FAM83F: variants seen among roughly 807,000 people sequenced by gnomAD.
FAM83F encodes the protein scaffolding CK1 anchoring protein F, also known as protein FAM83F.
In FAM83F, 45 loss-of-function variants were observed where a neutral mutation model predicts 42.9. The ratio of observed to expected loss-of-function variants is 1.05; its 90% confidence interval spans 0.83 to 1.35. The LOEUF (loss-of-function observed/expected upper bound fraction) is 1.35. Ranked by LOEUF, FAM83F falls within the 40% of genes most tolerant of loss-of-function variation. The probability of loss-of-function intolerance (pLI) is 0.00; values close to 1 mark genes in which losing one functional copy is unlikely to be tolerated. For synonymous variants in FAM83F, 306 were observed against 298.3 expected (o/e 1.03, Z -0.27); for missense variants, 617 against 695.9 (o/e 0.89, Z 1.28).
At chr22:40,010,650 A>C (rs2067457884) in intron 1 of FAM83F, among the ~76,000 whole-genome samples, 1 of 152,186 alleles carries the variant, frequency 6.6e-6, no homozygotes, top group South Asian at 2.1e-4. Context: ...AACCTGAGAC[A>C]TGCTTCTGCA....
At position 40,029,437 on chromosome 22, in the gene FAM83F, A is replaced by C. The variant is rs1601774496; in HGVS notation, c.1454-79A>C. The C allele has an allele frequency of 2.0e-6, 3 of 1,534,814 alleles. No individual in the cohort carries two copies. In the East Asian group the frequency reaches 7.3e-5, roughly 37 times the overall value. On this transcript the variant is annotated intron_variant, in intron 4 of 4. Transcript: ENST00000333407. ...CCCCTCAACTGGAGATGTGGACAGC[A>C]CACAGGGTAGGAACTGAAGCTGAAT...
intron 1 of FAM83F, among the ~76,000 whole-genome samples, chr22:40,009,417 C>T (rs184015660): frequency 6.6e-6 from 1 of 152,352 alleles, no homozygotes; most frequent in East Asian, 1.9e-4. Flanking sequence ...TGTTGTCTTT[C>T]TCTGGCCATG....
intron 1 of FAM83F, among the ~76,000 whole-genome samples, chr22:40,001,317 G>A (rs1274574825): frequency 6.6e-6 from 1 of 152,144 alleles, no homozygotes. Flanking sequence ...GATAAAATGG[G>A]GAAGATAATA....
At chr22:40,005,683 G>A (rs1017069677) in intron 1 of FAM83F, among the ~76,000 whole-genome samples, 1 of 152,250 alleles carries the variant, frequency 6.6e-6, no homozygotes, top group South Asian at 2.1e-4. Flanking sequence ...AGCCCCAGGG[G>A]TTGCAGCAGG....
chr22:40,000,560 T>C (rs2067395174), intron 1 of FAM83F, among the ~76,000 whole-genome samples: 1 of 152,178 alleles, frequency 6.6e-6, no homozygotes, highest in African/African-American at 2.4e-5. Context: ...GCCTTCTCCA[T>C]ACCAGGCACT....
chr22:39,995,415 G>A lies in FAM83F; in HGVS notation c.373G>A (p.Asp125Asn), dbSNP rs942536384. Reference protein sequence around the residue: ...EVPPLDLGWTDTGFYRGVSRV... With the variant: ...EVPPLDLGWTNTGFYRGVSRV... ...GCCTCCTCTGGACCTGGGCTGGACG[G>A]ACACTGGTTTCTACCGCGGCGTGAG... The change falls in exon 1 of 5, where the codon GAC becomes AAC. Residue 125 changes from aspartate (D) to asparagine (N), a missense_variant. Coordinates refer to ENST00000333407, the MANE Select transcript of FAM83F (RefSeq NM_138435.4). The surrounding 1 kb of genome is among the most constrained non-coding windows in gnomAD (Gnocchi z 4.6). 14 of 1,550,600 alleles carry A rather than the reference G, an allele frequency of 9.0e-6. No homozygotes were observed. Among genetic ancestry groups the A allele is most frequent in the Non-Finnish European group, 4.4e-6 (5 of 1,147,332 alleles).
rs2067610276 is a variant in FAM83F at position 40,034,574 on chromosome 22, C to G, written c.*5009C>G. ...CTGGCACGATAGGTACCCATCTGTC[C>G]TTGGGGTTCCTGAGCCTGGAGAGCG... On this transcript the variant is annotated 3_prime_UTR_variant, in exon 5 of 5. Coordinates refer to ENST00000333407, the MANE Select transcript of FAM83F (RefSeq NM_138435.4). 6.6e-6 allele frequency: 1 copy of G among 152,264 alleles called. No homozygotes were observed. Among genetic ancestry groups the G allele is most frequent in the Non-Finnish European group, 1.5e-5 (1 of 68,076 alleles). The allele number at this position is 152,264 out of a possible 1,614,324, so 9.4% of individuals were successfully genotyped here.
chr22:40,038,710 G>A lies in FAM83F; in HGVS notation c.*9145G>A. 1 of 162,710 alleles carries A rather than the reference G, an allele frequency of 6.1e-6. No individual in the cohort carries two copies. Among genetic ancestry groups the A allele is most frequent in the Non-Finnish European group, 1.4e-5 (1 of 73,282 alleles). 10.1% of individuals were successfully genotyped at this position (162,710 alleles called of 1,614,324 possible). ...GAGCTTTGAAGAAAGTGTAGACTTG[G>A]GGACAGGCAGAGGAAGAGGGGGCAT... On this transcript the variant is annotated 3_prime_UTR_variant, in exon 5 of 5. Transcript: ENST00000333407.
Position 40,011,218 on chromosome 22 carries a change from G to A in FAM83F, c.490-7950G>A, listed in dbSNP as rs112198531. On this transcript the variant is annotated intron_variant, in intron 1 of 4. Transcript: ENST00000333407. The stretch of plus-strand genomic sequence containing the variant: ...GTTTTGTTTTGTTTTTTGAGATGGA[G>A]TCTTGCTCTGTTGCCCAGGCTGGAG... 2.2e-3 allele frequency among the ~76,000 whole-genome samples: 340 copies of A among 152,246 alleles called. 1 individual carries two copies. The highest frequency in any genetic ancestry group is 7.8e-3 in the African/African-American group (326 of 41,546).
At position 39,995,670 on chromosome 22, in the gene FAM83F, C is replaced by A; in HGVS notation, c.489+139C>A. 1 of 1,357,246 alleles carries A rather than the reference C, an allele frequency of 7.4e-7. No homozygotes were observed. The highest frequency in any genetic ancestry group is 9.7e-7 in the Non-Finnish European group (1 of 1,028,122). 84.1% of individuals were successfully genotyped at this position (1,357,246 alleles called of 1,614,324 possible). Reference sequence around the variant, plus strand: ...ATGGGCCCCAACCCGCCCCTACTTCCTGGGGCTGCAGTGAGGCCTGTAGAG... The same window carrying A: ...ATGGGCCCCAACCCGCCCCTACTTCATGGGGCTGCAGTGAGGCCTGTAGAG... On this transcript the variant is annotated intron_variant, in intron 1 of 4. Coordinates refer to ENST00000333407, the MANE Select transcript of FAM83F (RefSeq NM_138435.4). The surrounding 1 kb of genome is among the most constrained non-coding windows in gnomAD (Gnocchi z 4.6).
At chr22:40,026,136 A>G (rs937818314) in intron 4 of FAM83F, among the ~76,000 whole-genome samples, 1 of 152,200 alleles carries the variant, frequency 6.6e-6, no homozygotes, top group Non-Finnish European at 1.5e-5. Context: ...CCAGGGAGAA[A>G]GGGCAGTGTG....
At chr22:40,007,221 T>TCTCCTCTCCTCCCCTCCCCTC (rs1275116810) in intron 1 of FAM83F, among the ~76,000 whole-genome samples, 14 of 140,196 alleles carry the variant, frequency 1.0e-4, no homozygotes, top group African/African-American at 2.4e-4. Context: ...TGCAGCCTCC[T>TCTCCTCTCCTCCCCTCCCCTC]CTCCTCTCCT....
chr22:40,028,154 G>T (rs2067565334), intron 4 of FAM83F, among the ~76,000 whole-genome samples: 1 of 152,228 alleles, frequency 6.6e-6, no homozygotes, highest in African/African-American at 2.4e-5. Flanking sequence ...TTGGGGCGCA[G>T]CCTCCTGCCC....
chr22:40,026,887 C>G (rs1298754589), intron 4 of FAM83F, among the ~76,000 whole-genome samples: 1 of 152,186 alleles, frequency 6.6e-6, no homozygotes, highest in Non-Finnish European at 1.5e-5. Context: ...TCAGATCTCT[C>G]TCTTGCTCTT....
chr22:39,995,436 G>T lies in FAM83F; in HGVS notation c.394G>T (p.Val132Leu). Reference protein sequence around the residue: ...GWTDTGFYRGVSRVTLFTHPP... With the variant: ...GWTDTGFYRGLSRVTLFTHPP... Reference sequence around the variant, plus strand: ...GACGGACACTGGTTTCTACCGCGGCGTGAGCCGGGTCACGCTCTTCACCCA... The same window carrying T: ...GACGGACACTGGTTTCTACCGCGGCTTGAGCCGGGTCACGCTCTTCACCCA... The change falls in exon 1 of 5, where the codon GTG (valine) becomes TTG (leucine). Residue 132 changes from valine to leucine, a missense_variant. Val to Leu is a conservative substitution (Grantham distance 32). Coordinates refer to ENST00000333407, the MANE Select transcript of FAM83F (RefSeq NM_138435.4). This position sits in a 1 kb window ranked among gnomAD's most constrained non-coding sequence, Gnocchi z 4.6. The T allele has an allele frequency of 6.4e-7, 1 of 1,556,816 alleles. No homozygotes were observed. The highest frequency in any genetic ancestry group is 8.7e-7 in the Non-Finnish European group (1 of 1,150,346).
intron 4 of FAM83F, among the ~76,000 whole-genome samples, chr22:40,029,012 C>A (rs1439094726): frequency 6.6e-6 from 1 of 151,132 alleles, no homozygotes; most frequent in Non-Finnish European, 1.5e-5. Context: ...GAGAGAAGGA[C>A]CGCAGTCTTA....
Position 40,032,101 on chromosome 22 carries a change from T to G in FAM83F, c.*2536T>G, listed in dbSNP as rs1035732239. 1.3e-5 allele frequency: 2 copies of G among 152,300 alleles called. No individual in the cohort carries two copies. The highest frequency in any genetic ancestry group is 2.9e-5 in the Non-Finnish European group (2 of 68,108). The allele number at this position is 152,300 out of a possible 1,614,324, so 9.4% of individuals were successfully genotyped here. A position where few individuals can be genotyped will look rare whatever the true frequency, so the allele number is the denominator to read the frequency against. On this transcript the variant is annotated 3_prime_UTR_variant, in exon 5 of 5. Coordinates refer to ENST00000333407, the MANE Select transcript of FAM83F (RefSeq NM_138435.4). ...GCAGCTTCTGCAAGGCTGGTTACAT[T>G]GGAAGGGCTCTAGGAGGAACAGGAT...
At position 40,036,774 on chromosome 22, in the gene FAM83F, C is replaced by T. The variant is rs1261247803; in HGVS notation, c.*7209C>T. 2 of 152,336 alleles carry T rather than the reference C, an allele frequency of 1.3e-5. No homozygotes were observed. Among genetic ancestry groups the T allele is most frequent in the Admixed American group, 6.5e-5 (1 of 15,280 alleles). 9.4% of individuals were successfully genotyped at this position (152,336 alleles called of 1,614,324 possible). A position where few individuals can be genotyped will look rare whatever the true frequency, so the allele number is the denominator to read the frequency against. On this transcript the variant is annotated 3_prime_UTR_variant, in exon 5 of 5. Transcript: ENST00000333407. The stretch of plus-strand genomic sequence containing the variant: ...GGCCCTGGAGAGAAGCCTTGGAGAA[C>T]TTGGAGAAGCCCACGCGGCTGGCAG...
In FAM83F at chr22:40,006,145, C is replaced by T. The variant is rs2067427118; in HGVS notation, c.489+10614C>T. Among the ~76,000 whole-genome samples, 5 of 151,804 alleles carry T rather than the reference C, an allele frequency of 3.3e-5. No homozygotes were observed. The South Asian group carries it at 1.0e-3, about 32-fold the overall frequency. ...ATCCCAGCTACTCGGGAGGCTGGGG[C>T]AGGAAAATTGCTTGAGCCCGGGAGG... is the stretch of plus-strand genomic sequence containing the variant. On this transcript the variant is annotated intron_variant, in intron 1 of 4. Coordinates refer to ENST00000333407, the MANE Select transcript of FAM83F (RefSeq NM_138435.4).
Sources: allele counts gnomAD v4.1 joint callset (sites outside exome capture counted in the v4.1 genomes callset), GRCh38; gene constraint gnomAD v4.1.1; non-coding constraint Gnocchi (gnomAD v3.1); transcripts MANE v1.5; gene names NCBI Gene and HGNC (gene_info 2026-07-23, HGNC 2026-07-21).